The following COL19A1 variants were observed in gnomAD, a reference collection of about 807,000 sequenced individuals.
COL19A1 encodes collagen type XIX alpha 1 chain.
In COL19A1, 159 loss-of-function variants were observed where a neutral mutation model predicts 190.2. That is an observed-to-expected ratio of 0.84 (90% CI 0.73 to 0.95). The LOEUF is 0.95. Ranked by LOEUF, COL19A1 falls within the 40% of genes least tolerant of loss-of-function variation. The pLI, the probability that COL19A1 is intolerant of heterozygous loss-of-function variation, is 0.00. For missense variants in COL19A1, 1,418 were observed against 1,431.9 expected (o/e 0.99, Z 0.16); for synonymous variants, 509 against 458.9 (o/e 1.11, Z -1.39).
intron 1 of COL19A1, among the ~76,000 whole-genome samples, chr6:69,869,824 G>C (rs973542154): frequency 2.0e-4 from 30 of 152,168 alleles, no homozygotes; most frequent in African/African-American, 7.0e-4. Flanking sequence ...GTGCTCAAAG[G>C]GAATCCCAGG....
intron 39 of COL19A1, 83 bp from the exon 40 acceptor site, chr6:70,168,572 A>C: frequency 1.4e-6 from 2 of 1,386,082 alleles, no homozygotes; most frequent in Non-Finnish European, 2.0e-6. Context: ...ATGTGTATTA[A>C]GGCAAATTGG....
intron 4 of COL19A1, among the ~76,000 whole-genome samples, chr6:69,924,402 T>G (rs1367169926): frequency 6.6e-6 from 1 of 152,180 alleles, no homozygotes; most frequent in East Asian, 1.9e-4. Flanking sequence ...GGTTTCCAGC[T>G]TCATCCATGT....
chr6:70,161,808 G>A (rs1398633145), intron 34 of COL19A1, 92 bp from the exon 35 acceptor site: 4 of 878,926 alleles, frequency 4.6e-6, no homozygotes, highest in Non-Finnish European at 6.9e-6. Context: ...CTAAATAAGT[G>A]TTTAATGTTC....
At chr6:70,039,841 C>A (rs1010730364) in intron 14 of COL19A1, among the ~76,000 whole-genome samples, 3 of 151,558 alleles carry the variant, frequency 2.0e-5, no homozygotes, top group Non-Finnish European at 2.9e-5. Flanking sequence ...CAGCTCACTG[C>A]AGCCTTGACC....
At chr6:70,057,064 C>T (rs1016812197) in intron 14 of COL19A1, among the ~76,000 whole-genome samples, 8 of 152,138 alleles carry the variant, frequency 5.3e-5, no homozygotes, top group Non-Finnish European at 8.8e-5. Context: ...TATCATGCTG[C>T]CCATTGTTCC....
At chr6:70,102,037 T>A in intron 15 of COL19A1, 132 bp from the exon 16 acceptor site, 1 of 780,084 alleles carries the variant, frequency 1.3e-6, no homozygotes, top group Non-Finnish European at 2.1e-6. Context: ...TATTTAAAAG[T>A]CATGTGGAAT....
intron 15 of COL19A1, among the ~76,000 whole-genome samples, 196 bp downstream of exon 15, chr6:70,068,672 G>C (rs1042865712): frequency 2.0e-5 from 3 of 151,928 alleles, no homozygotes; most frequent in African/African-American, 7.2e-5. Context: ...TTTCAAGATT[G>C]GCAGCACAAG....
At chr6:69,909,211 G>A (rs572313386) in intron 4 of COL19A1, among the ~76,000 whole-genome samples, 18 of 152,140 alleles carry the variant, frequency 1.2e-4, no homozygotes, top group African/African-American at 4.3e-4. Context: ...AAAGAGGGTA[G>A]GTTCTCATTT....
intron 11 of COL19A1, among the ~76,000 whole-genome samples, chr6:70,016,217 G>T (rs1236694333): frequency 3.4e-5 from 1 of 29,320 alleles, no homozygotes; most frequent in Non-Finnish European, 5.4e-5. Flanking sequence ...GGACTGTGGT[G>T]GGGTCGGGGG....
chr6:70,078,814 C>A (rs1019685799), intron 15 of COL19A1, among the ~76,000 whole-genome samples: 1 of 152,172 alleles, frequency 6.6e-6, no homozygotes, highest in African/African-American at 2.4e-5. Flanking sequence ...CACCTGTAAT[C>A]CCAGCACTTT....
chr6:70,083,825 CT>C (rs961077441), intron 15 of COL19A1, among the ~76,000 whole-genome samples: 12 of 152,168 alleles, frequency 7.9e-5, no homozygotes, highest in Non-Finnish European at 1.6e-4. Context: ...GTTTCACTGT[CT>C]GTTCTGTTTT....
At chr6:69,888,777 CAAAA>C (rs35211332) in intron 2 of COL19A1, among the ~76,000 whole-genome samples, 68,091 of 126,072 alleles carry the variant, frequency 0.54, 16,049 homozygotes, top group Middle Eastern at 0.63. Context: ...GACTCTAGCT[CAAAA>C]AAAAAAAAAA....
intron 5 of COL19A1, 109 bp downstream of exon 5, chr6:69,928,141 C>T: frequency 7.0e-7 from 1 of 1,430,496 alleles, no homozygotes. Context: ...TCCAAATGTT[C>T]TATCCTTTAG....
chr6:69,900,057 A>C (rs1162731882), intron 3 of COL19A1, among the ~76,000 whole-genome samples, 182 bp from the exon 4 acceptor site: 1 of 152,206 alleles, frequency 6.6e-6, no homozygotes, highest in Non-Finnish European at 1.5e-5. Context: ...CTATATGCAA[A>C]GTGAATTTCA....
At chr6:70,053,497 T>A (rs1445421266) in intron 14 of COL19A1, among the ~76,000 whole-genome samples, 1 of 152,214 alleles carries the variant, frequency 6.6e-6, no homozygotes, top group African/African-American at 2.4e-5. Flanking sequence ...TAACACATCA[T>A]AACTAATCTT....
chr6:70,072,860 G>A lies in COL19A1; in HGVS notation c.1224+4384G>A, dbSNP rs968754303. ...CTGGGAGCCTACAAAAGTACAGGAGGGCAGGGCAAGCAACATGTCCACTTT... is the reference window on the plus strand; with the variant it reads ...CTGGGAGCCTACAAAAGTACAGGAGAGCAGGGCAAGCAACATGTCCACTTT... On this transcript the variant is annotated intron_variant, in intron 15 of 50. Transcript: ENST00000620364. 2.0e-5 allele frequency among the ~76,000 whole-genome samples: 3 copies of A among 152,222 alleles called. No homozygotes were observed. The East Asian group carries it at 5.8e-4, about 29-fold the overall frequency.
intron 4 of COL19A1, among the ~76,000 whole-genome samples, chr6:69,915,516 T>G (rs1325998978): frequency 1.3e-5 from 2 of 152,182 alleles, no homozygotes; most frequent in Non-Finnish European, 2.9e-5. Flanking sequence ...GTTGATACCC[T>G]CTGTTGCTGG....
At chr6:70,148,698 A>G (rs1245049269) in intron 27 of COL19A1, among the ~76,000 whole-genome samples, 1 of 152,060 alleles carries the variant, frequency 6.6e-6, no homozygotes, top group Non-Finnish European at 1.5e-5. Context: ...AGGCCAAGGC[A>G]GGTGGATCAC....
At chr6:70,029,573 A>G (rs1013938623) in intron 12 of COL19A1, among the ~76,000 whole-genome samples, 1 of 152,132 alleles carries the variant, frequency 6.6e-6, no homozygotes, top group Non-Finnish European at 1.5e-5. Flanking sequence ...CTCAATAACC[A>G]TTGATAGGAG....
Sources: allele counts gnomAD v4.1 joint callset (sites outside exome capture counted in the v4.1 genomes callset), GRCh38; gene constraint gnomAD v4.1.1; transcripts MANE v1.5; gene names NCBI Gene and HGNC (gene_info 2026-07-23, HGNC 2026-07-21).